MAPK9: variants seen among roughly 807,000 people sequenced by gnomAD.
MAPK9 encodes the protein Jun kinase.
Under a neutral mutation model 57.1 loss-of-function variants are expected in MAPK9, and 30 were observed. That is an observed-to-expected ratio of 0.53 (90% CI 0.39 to 0.71). The LOEUF (loss-of-function observed/expected upper bound fraction) is 0.71. Ranked by LOEUF, MAPK9 falls within the 30% of genes least tolerant of loss-of-function variation. The pLI is 0.00. For synonymous variants in MAPK9, 155 were observed against 177.0 expected, an observed-to-expected ratio of 0.88 and a Z score of 0.99; for missense variants, 362 against 521.0, an observed-to-expected ratio of 0.69 and a Z score of 2.97.
At chr5:180,267,823 A>G in intron 3 of MAPK9, among the ~76,000 whole-genome samples, 1 of 151,302 alleles carries the variant, frequency 6.6e-6, no homozygotes, top group South Asian at 2.1e-4. Context: ...AAAAAACAAA[A>G]CAAAAAAAAC....
At chr5:180,246,318 G>A (rs2127580355) in intron 7 of MAPK9, 1 of 151,972 alleles carries the variant, frequency 6.6e-6, no homozygotes, top group Middle Eastern at 3.4e-3. Context: ...AAATTTAGTA[G>A]AACAAATAAA....
At chr5:180,249,218 G>A (rs924447336) in intron 5 of MAPK9, 80 bp from the exon 6 acceptor site, 7 of 1,351,968 alleles carry the variant, frequency 5.2e-6, no homozygotes, top group Non-Finnish European at 7.0e-6. Flanking sequence ...GGGTCGTGAA[G>A]CCAGTGTGAG....
intron 10 of MAPK9, among the ~76,000 whole-genome samples, chr5:180,238,869 A>C (rs1042734612): frequency 2.0e-5 from 3 of 152,190 alleles, no homozygotes; most frequent in African/African-American, 7.2e-5. Context: ...TTGGCCTCCC[A>C]AAGTCCTGGG....
rs1055494120 is a variant in MAPK9 at position 180,235,862 on chromosome 5, T to C, written c.*522A>G. On this transcript the variant is annotated 3_prime_UTR_variant, in exon 12 of 12. Transcript: ENST00000452135. The stretch of plus-strand genomic sequence containing the variant: ...ACAAAAGATAGAATAAATCATAGCA[T>C]AAAAGGGAATAAGATATGATAACAT... 4 of 152,624 alleles carry C rather than the reference T, an allele frequency of 2.6e-5. No homozygotes were observed. Among genetic ancestry groups the C allele is most frequent in the Admixed American group, 1.3e-4 (2 of 15,270 alleles). The allele number at this position is 152,624 out of a possible 1,614,324, so 9.5% of individuals were successfully genotyped here. A position where few individuals can be genotyped will look rare whatever the true frequency, so the allele number is the denominator to read the frequency against.
intron 5 of MAPK9, among the ~76,000 whole-genome samples, chr5:180,252,122 G>A (rs1188925785): frequency 6.6e-6 from 1 of 152,188 alleles, no homozygotes; most frequent in Non-Finnish European, 1.5e-5. Context: ...CATAAGTGAA[G>A]TCTGGGCCAG....
At chr5:180,249,979 C>T (rs13190345) in intron 5 of MAPK9, among the ~76,000 whole-genome samples, 24,945 of 152,072 alleles carry the variant, frequency 0.16, 2,978 homozygotes, top group African/African-American at 0.34. Context: ...CTTCCCATGG[C>T]TCTTTCTCTC....
At position 180,234,271 on chromosome 5, in the gene MAPK9, G is replaced by A. The variant is rs987241661; in HGVS notation, c.*2113C>T. 7.9e-5 allele frequency: 12 copies of A among 152,208 alleles called. No homozygotes were observed. The highest frequency in any genetic ancestry group is 2.7e-4 in the African/African-American group (11 of 41,462). The allele number at this position is 152,208 out of a possible 1,614,324, so 9.4% of individuals were successfully genotyped here. On this transcript the variant is annotated 3_prime_UTR_variant, in exon 12 of 12. Transcript: ENST00000452135. ...AGCATTTATCCATAGAGATCAGTTT[G>A]AAACCATTTGCGTGGCACCAAGACC...
At chr5:180,258,129 A>G (rs1759489362) in intron 5 of MAPK9, 1 of 152,272 alleles carries the variant, frequency 6.6e-6, no homozygotes, top group Non-Finnish European at 1.5e-5. Flanking sequence ...TTTACAACGG[A>G]GAAAAACCCT....
Position 180,264,738 on chromosome 5 carries a change from T to C in MAPK9, c.311+43A>G, listed in dbSNP as rs765130620. On this transcript the variant is annotated intron_variant, in intron 4 of 11. Coordinates refer to ENST00000452135, the MANE Select transcript of MAPK9 (RefSeq NM_002752.5). Reference sequence around the variant, plus strand: ...AGTTGCTGTCTTTTCTAGATGTTCATTCTTTGATGTACAGTGCATTACTGA... The same window carrying C: ...AGTTGCTGTCTTTTCTAGATGTTCACTCTTTGATGTACAGTGCATTACTGA... The C allele has an allele frequency of 8.0e-6, 12 of 1,494,252 alleles. No homozygotes were observed. In the African/African-American group the frequency reaches 1.3e-4, roughly 16 times the overall value. 92.6% of individuals were successfully genotyped at this position (1,494,252 alleles called of 1,614,324 possible).
At chr5:180,260,299 A>G (rs1480299301) in intron 5 of MAPK9, among the ~76,000 whole-genome samples, 1 of 152,250 alleles carries the variant, frequency 6.6e-6, no homozygotes, top group East Asian at 1.9e-4. Flanking sequence ...TTTAAATACA[A>G]GAAGGTATTC....
chr5:180,266,605 A>G (rs1276681301), intron 3 of MAPK9, among the ~76,000 whole-genome samples: 1 of 151,380 alleles, frequency 6.6e-6, no homozygotes, highest in Non-Finnish European at 1.5e-5. Context: ...GGTGTGAGCC[A>G]CAGCGCCCGG....
At chr5:180,270,424 C>G (rs1311163870) in intron 2 of MAPK9, among the ~76,000 whole-genome samples, 1 of 152,162 alleles carries the variant, frequency 6.6e-6, no homozygotes, top group Non-Finnish European at 1.5e-5. Flanking sequence ...ATATGTAAAT[C>G]CACAGGTTCA....
intron 1 of MAPK9, 57 bp from the exon 2 acceptor site, chr5:180,280,665 C>T (rs1443894224): frequency 1.7e-5 from 23 of 1,374,874 alleles, no homozygotes; most frequent in Middle Eastern, 1.8e-4. Context: ...ACGCAGCTCA[C>T]GTAAGAGAGT....
intron 4 of MAPK9, among the ~76,000 whole-genome samples, chr5:180,263,382 A>G (rs1449257194): frequency 1.3e-5 from 2 of 152,172 alleles, no homozygotes; most frequent in Non-Finnish European, 2.9e-5. Flanking sequence ...CTGCAACAGC[A>G]GTAACTGATG....
chr5:180,280,606 T>A lies in MAPK9; in HGVS notation c.-45A>T, dbSNP rs766090710. On this transcript the variant is annotated splice_region_variant and 5_prime_UTR_variant, in exon 2 of 12. Transcript: ENST00000452135. ...TCCCGAAGGGTGGGCAAGTTTCAGA[T>A]CCCTTCAAAGAAAAACAGAATGAAC... 6.3e-7 allele frequency: 1 copy of A among 1,597,784 alleles called. No individual in the cohort carries two copies. The highest frequency in any genetic ancestry group is 1.3e-5 in the African/African-American group (1 of 74,254).
chr5:180,257,479 T>C (rs1759410953), intron 5 of MAPK9, among the ~76,000 whole-genome samples: 1 of 152,242 alleles, frequency 6.6e-6, no homozygotes, highest in Non-Finnish European at 1.5e-5. Flanking sequence ...AAAATTAGTA[T>C]AGTAATAATC....
intron 1 of MAPK9, among the ~76,000 whole-genome samples, chr5:180,284,565 A>G (rs1393488553): frequency 2.0e-5 from 3 of 152,196 alleles, no homozygotes; most frequent in Non-Finnish European, 4.4e-5. Context: ...GTGGTAAAAC[A>G]TTTTTTTAGA....
Position 180,247,046 on chromosome 5 carries a change from C to T in MAPK9, c.688+393G>A, listed in dbSNP as rs1215201571. The T allele has an allele frequency of 9.7e-6, 2 of 205,980 alleles. No homozygotes were observed. Among genetic ancestry groups the T allele is most frequent in the Non-Finnish European group, 9.8e-6 (1 of 102,534 alleles). The allele number at this position is 205,980 out of a possible 1,614,324, so 12.8% of individuals were successfully genotyped here. On this transcript the variant is annotated intron_variant, in intron 7 of 11. Coordinates refer to ENST00000452135, the MANE Select transcript of MAPK9 (RefSeq NM_002752.5). The surrounding 1 kb of genome is among the most constrained non-coding windows in gnomAD (Gnocchi z 4.5). The stretch of plus-strand genomic sequence containing the variant: ...TAATTAAAGCACACAAGCACACTAG[C>T]CTATTAAATTTAGATAGCATCTTTC...
rs115645812 is a variant in MAPK9, at chr5:180,236,458, T to C, written c.1201A>G (p.Thr401Ala). 6.3e-5 allele frequency: 102 copies of C among 1,614,120 alleles called. No homozygotes were observed. In the African/African-American group the frequency reaches 1.1e-3, roughly 18 times the overall value. Residue 401 changes from threonine to alanine, a missense_variant, in exon 12 of 12, where the codon ACT becomes GCT. Transcript: ENST00000452135. ...GTGTCTGAGGCCAGCGTCTGCTCAGTGGACATGGATGAAATGTCATTGATC... is the reference window on the plus strand; with the variant it reads ...GTGTCTGAGGCCAGCGTCTGCTCAGCGGACATGGATGAAATGTCATTGATC... ...SSINDISSMS[T>A]EQTLASDTDS...
Sources: allele counts gnomAD v4.1 joint callset (sites outside exome capture counted in the v4.1 genomes callset), GRCh38; gene constraint gnomAD v4.1.1; non-coding constraint Gnocchi (gnomAD v3.1); transcripts MANE v1.5; gene names NCBI Gene and HGNC (gene_info 2026-07-23, HGNC 2026-07-21).